METTL15: variants seen among roughly 807,000 people sequenced by gnomAD.
METTL15 encodes 12S rRNA N(4)-cytidine methyltransferase METTL15.
METTL15 carries 34 observed loss-of-function variants against 38.3 expected under a neutral mutation model. The ratio of observed to expected loss-of-function variants is 0.89; its 90% CI spans 0.68 to 1.18. The LOEUF (loss-of-function observed/expected upper bound fraction) is 1.18, where lower values mean the gene tolerates loss of function less well. METTL15 is among the 50% of genes most tolerant of loss of function. The pLI, the probability that METTL15 is intolerant of heterozygous loss-of-function variation, is 0.00. For missense variants in METTL15, 438 were observed against 498.4 expected (o/e 0.88, Z 1.15); for synonymous variants, 162 against 170.9 (o/e 0.95, Z 0.41).
chr11:28,137,658 G>T (rs1240669976), intron 3 of METTL15, among the ~76,000 whole-genome samples: 1 of 152,142 alleles, frequency 6.6e-6, no homozygotes, highest in Non-Finnish European at 1.5e-5. Flanking sequence ...AGCAAACCTA[G>T]TATCTGACCA....
At chr11:28,206,429 A>G (rs1852347452) in intron 3 of METTL15, among the ~76,000 whole-genome samples, 1 of 151,872 alleles carries the variant, frequency 6.6e-6, no homozygotes, top group Admixed American at 6.6e-5. Flanking sequence ...GATGTATGGT[A>G]TTATTTCTGA....
At chr11:28,253,842 C>T (rs1854855788) in intron 4 of METTL15, among the ~76,000 whole-genome samples, 1 of 151,996 alleles carries the variant, frequency 6.6e-6, no homozygotes, top group African/African-American at 2.4e-5. Context: ...AATAGTACTC[C>T]ATTGTGTATA....
chr11:28,433,446 T>C (rs1166678243), intron 6 of METTL15, among the ~76,000 whole-genome samples: 2 of 152,172 alleles, frequency 1.3e-5, no homozygotes, highest in Admixed American at 6.5e-5. Flanking sequence ...TGGCTGACCA[T>C]GGGCAAATCA....
chr11:28,296,221 A>C (rs1002453490), intron 5 of METTL15, among the ~76,000 whole-genome samples: 3 of 152,128 alleles, frequency 2.0e-5, no homozygotes, highest in Non-Finnish European at 4.4e-5. Context: ...AAGTTGTATG[A>C]GTTTTTGTGA....
At chr11:28,256,263 G>C (rs1854967223) in intron 4 of METTL15, among the ~76,000 whole-genome samples, 1 of 152,158 alleles carries the variant, frequency 6.6e-6, no homozygotes, top group South Asian at 2.1e-4. Flanking sequence ...AGTTTGAGTA[G>C]AATTTGCATT....
intron 3 of METTL15, among the ~76,000 whole-genome samples, chr11:28,343,465 A>G (rs967629472): frequency 1.3e-5 from 2 of 152,190 alleles, no homozygotes; most frequent in Non-Finnish European, 2.9e-5. Flanking sequence ...CTCTAACTTA[A>G]AAGTTTGTTT....
chr11:28,279,253 C>T (rs1227064804), intron 4 of METTL15, among the ~76,000 whole-genome samples: 1 of 152,130 alleles, frequency 6.6e-6, no homozygotes, highest in East Asian at 1.9e-4. Context: ...TGCATGACAT[C>T]TATTTCTGTC....
chr11:28,443,864 G>A (rs993921396), intron 6 of METTL15, among the ~76,000 whole-genome samples: 4 of 152,144 alleles, frequency 2.6e-5, no homozygotes, highest in Non-Finnish European at 5.9e-5. Flanking sequence ...AGTTTTATAA[G>A]TGATTGATCT....
rs1849696031 is a variant in METTL15, at chr11:28,328,098, A to T, written c.779-2298A>T. The stretch of plus-strand genomic sequence containing the variant: ...ATATGTTTGTTCATATTCTTAGAAT[A>T]CTCTGAAACATATTTCCCAGTGGCC... On this transcript the variant is annotated intron_variant, in intron 6 of 6. Transcript: ENST00000407364. 2.5e-6 allele frequency: 4 copies of T among 1,609,184 alleles called. No individual in the cohort carries two copies. The East Asian group carries it at 9.0e-5, about 36-fold the overall frequency.
rs768241889 is a variant in METTL15, at chr11:28,198,024, A to G, written c.271-13038A>G. ...TTTTTCCAAATACTATAAACAGTCT[A>G]TATATTTAGTAATTCTTAAAAGAAA... On this transcript the variant is annotated intron_variant, in intron 3 of 6. Transcript: ENST00000407364. Among the ~76,000 whole-genome samples, 4 of 152,196 alleles carry G rather than the reference A, an allele frequency of 2.6e-5. No homozygotes were observed. The South Asian group carries it at 6.2e-4, about 24-fold the overall frequency.
intron 6 of METTL15, among the ~76,000 whole-genome samples, chr11:28,477,307 G>A (rs2133469311): frequency 6.6e-6 from 1 of 152,218 alleles, no homozygotes; most frequent in Admixed American, 6.5e-5. Flanking sequence ...CTCCCAAGTA[G>A]CTGGGACTAC....
At chr11:28,507,881 TCTC>T (rs1305786570) in intron 6 of METTL15, among the ~76,000 whole-genome samples, 2 of 152,160 alleles carry the variant, frequency 1.3e-5, no homozygotes, top group African/African-American at 4.8e-5. Context: ...CCATTCCAGT[TCTC>T]CTCATTCTAT....
chr11:28,441,668 C>T (rs1332869617), intron 6 of METTL15, among the ~76,000 whole-genome samples: 1 of 152,174 alleles, frequency 6.6e-6, no homozygotes, highest in Non-Finnish European at 1.5e-5. Context: ...GGGCCTCTCC[C>T]ATCACTTCAT....
intron 5 of METTL15, among the ~76,000 whole-genome samples, chr11:28,377,446 C>T (rs975000539): frequency 1.1e-4 from 16 of 152,146 alleles, no homozygotes; most frequent in African/African-American, 2.7e-4. Context: ...TCCAGTTGAT[C>T]GCATCGGCTC....
rs187186756 is a variant in METTL15, at chr11:28,445,231, C to A, written c.*424+20867C>A. 8.2e-4 allele frequency among the ~76,000 whole-genome samples: 125 copies of A among 152,290 alleles called. 1 individual carries two copies. The highest frequency in any genetic ancestry group is 2.7e-3 in the African/African-American group (114 of 41,544). On this transcript the variant is annotated intron_variant and NMD_transcript_variant, in intron 6 of 7. Coordinates refer to the METTL15 transcript ENST00000532947. Reference sequence around the variant, plus strand: ...TTTTAAAAACTCTTTACTTTGAAATCATTTCTAATGTATAGAAAACTTGTA... The same window carrying A: ...TTTTAAAAACTCTTTACTTTGAAATAATTTCTAATGTATAGAAAACTTGTA...
chr11:28,502,727 G>A (rs1590396399), intron 6 of METTL15, among the ~76,000 whole-genome samples: 1 of 152,198 alleles, frequency 6.6e-6, no homozygotes, highest in East Asian at 1.9e-4. Flanking sequence ...TGTGACCACT[G>A]GGATGTTGAG....
At chr11:28,503,686 G>C (rs1050030455) in intron 6 of METTL15, among the ~76,000 whole-genome samples, 4 of 151,990 alleles carry the variant, frequency 2.6e-5, no homozygotes, top group Non-Finnish European at 5.9e-5. Flanking sequence ...AGCTACTCTG[G>C]GGGCTGAGGC....
intron 4 of METTL15, 73 bp from the exon 5 acceptor site, chr11:28,290,133 C>A: frequency 7.9e-7 from 1 of 1,260,256 alleles, no homozygotes; most frequent in Non-Finnish European, 1.1e-6. Flanking sequence ...GTGCTCCCTT[C>A]CATTGATCAT....
intron 3 of METTL15, among the ~76,000 whole-genome samples, chr11:28,344,929 A>G (rs1370804068): frequency 6.6e-6 from 1 of 152,210 alleles, no homozygotes; most frequent in Non-Finnish European, 1.5e-5. Context: ...TCTGTTTGAT[A>G]TATTCAAATT....
Sources: gnomAD v4.1 joint callset for allele counts (sites outside exome capture counted in the v4.1 genomes callset) on GRCh38, gnomAD v4.1.1 for gene constraint, MANE v1.5 for transcripts, NCBI Gene and HGNC (gene_info 2026-07-23, HGNC 2026-07-21) for gene names.